The following RASSF3 variants were observed in gnomAD, a reference collection of about 807,000 sequenced individuals.
The protein encoded by RASSF3 is ras association domain-containing protein 3.
A neutral mutation model predicts 19.9 loss-of-function variants in RASSF3; 19 were observed. That is an observed-to-expected ratio of 0.96 (90% CI 0.67 to 1.40). RASSF3 has a LOEUF of 1.40. Ranked by LOEUF, RASSF3 falls within the 40% of genes most tolerant of loss-of-function variation. The pLI is 0.00. For missense variants in RASSF3, 306 were observed against 289.8 expected, an observed-to-expected ratio of 1.06 and a Z score of -0.41; for synonymous variants, 110 against 104.2, an observed-to-expected ratio of 1.06 and a Z score of -0.34.
At chr12:64,631,571 GTA>G (rs1871168889) in intron 1 of RASSF3, among the ~76,000 whole-genome samples, 2 of 151,550 alleles carry the variant, frequency 1.3e-5, no homozygotes, top group East Asian at 1.9e-4. Context: ...ATGTATGTAT[GTA>G]TGTATGTATG....
chr12:64,645,955 C>T (rs1031203129), intron 1 of RASSF3, among the ~76,000 whole-genome samples: 4 of 152,162 alleles, frequency 2.6e-5, no homozygotes, highest in African/African-American at 7.2e-5. Context: ...TTAATGTTGC[C>T]GCATCTTGAA....
intron 1 of RASSF3, among the ~76,000 whole-genome samples, chr12:64,517,116 G>A: frequency 7.0e-6 from 1 of 143,374 alleles, no homozygotes; most frequent in South Asian, 2.2e-4. Flanking sequence ...TAATAACCAA[G>A]AATAACAAAA....
chr12:64,596,887 A>G (rs1201265989), intron 2 of RASSF3, among the ~76,000 whole-genome samples: 1 of 151,748 alleles, frequency 6.6e-6, no homozygotes, highest in Non-Finnish European at 1.5e-5. Context: ...GTGCCACCAC[A>G]CCCGGTTAAT....
chr12:64,674,014 C>T (rs561841223), intron 1 of RASSF3, among the ~76,000 whole-genome samples: 2 of 152,132 alleles, frequency 1.3e-5, no homozygotes, highest in South Asian at 4.2e-4. Context: ...AAAGTGAGGT[C>T]ATGGAAGGCC....
At chr12:64,507,524 G>GTAT (rs1868299434) in intron 1 of RASSF3, 1 of 372,726 alleles carries the variant, frequency 2.7e-6, no homozygotes. Flanking sequence ...TGAGGCTGAT[G>GTAT]TATTAGAAGC....
At chr12:64,532,593 T>C (rs1592391573), upstream of RASSF3, among the ~76,000 whole-genome samples, 1 of 151,154 alleles carries the variant, frequency 6.6e-6, no homozygotes, top group Non-Finnish European at 1.5e-5. Flanking sequence ...GAGGCCGAGG[T>C]GGGAGGACTG....
chr12:64,546,169 A>G (rs1307612313), downstream of RASSF3, among the ~76,000 whole-genome samples: 1 of 151,482 alleles, frequency 6.6e-6, no homozygotes, highest in African/African-American at 2.4e-5. Context: ...ATATACACGC[A>G]GGTGATAATG....
At chr12:64,653,164 G>C (rs1872025095) in intron 1 of RASSF3, among the ~76,000 whole-genome samples, 1 of 152,108 alleles carries the variant, frequency 6.6e-6, no homozygotes, top group African/African-American at 2.4e-5. Flanking sequence ...GATCTTCCAG[G>C]CTCAACTGAT....
intron 1 of RASSF3, among the ~76,000 whole-genome samples, chr12:64,647,707 G>C (rs183933715): frequency 4.6e-4 from 70 of 151,624 alleles, no homozygotes; most frequent in African/African-American, 1.6e-3. Context: ...CACCGCGCCC[G>C]GCCCCGGCCT....
upstream of RASSF3, among the ~76,000 whole-genome samples, chr12:64,529,620 C>T (rs1400831319): frequency 3.9e-5 from 6 of 152,074 alleles, no homozygotes; most frequent in Admixed American, 6.6e-5. Flanking sequence ...GATCAAGAAT[C>T]GATGAACTTG....
intron 2 of RASSF3, among the ~76,000 whole-genome samples, chr12:64,583,337 C>T (rs1869735098): frequency 1.3e-5 from 2 of 152,114 alleles, no homozygotes; most frequent in Admixed American, 1.3e-4. Flanking sequence ...GTGTTTCATA[C>T]AAAAGCAAAG....
intron 2 of RASSF3, among the ~76,000 whole-genome samples, chr12:64,555,621 C>T (rs1050192693): frequency 7.2e-5 from 11 of 151,846 alleles, no homozygotes; most frequent in African/African-American, 1.7e-4. Context: ...TGGTGGCGGG[C>T]GCTTATAGTC....
downstream of RASSF3, among the ~76,000 whole-genome samples, chr12:64,543,443 TGCCCG>T (rs1868984554): frequency 7.0e-4 from 2 of 2,866 alleles, no homozygotes; most frequent in Non-Finnish European, 1.1e-3. Context: ...GCCCCCCCCG[TGCCCG>T]CCCGCCCCCC....
At position 64,634,355 on chromosome 12, in the gene RASSF3, A is replaced by G. The variant is rs1390157821; in HGVS notation, c.111+23612A>G. Among the ~76,000 whole-genome samples the G allele has an allele frequency of 4.0e-5, 6 of 149,918 alleles. No individual in the cohort carries two copies. The East Asian group carries it at 9.8e-4, about 24-fold the overall frequency. On this transcript the variant is annotated intron_variant, in intron 1 of 4. Transcript: ENST00000542104. Reference sequence around the variant, plus strand: ...TTGAAAAAAAAATTCATTTTTTCATAGAAATGAGTTCTTACTATGTTATCC... The same window carrying G: ...TTGAAAAAAAAATTCATTTTTTCATGGAAATGAGTTCTTACTATGTTATCC...
At chr12:64,615,574 G>A (rs1870525392) in intron 1 of RASSF3, among the ~76,000 whole-genome samples, 1 of 152,138 alleles carries the variant, frequency 6.6e-6, no homozygotes, top group African/African-American at 2.4e-5. Flanking sequence ...GTAATGAGCT[G>A]CACTCTTTTA....
intron 1 of RASSF3, among the ~76,000 whole-genome samples, chr12:64,669,394 C>G (rs59371532): frequency 0.012 from 1,774 of 151,990 alleles, 39 homozygotes; most frequent in African/African-American, 0.041. Flanking sequence ...AAACAGTTCC[C>G]CCTGTCACAC....
chr12:64,584,610 G>A (rs1869762576), intron 2 of RASSF3, among the ~76,000 whole-genome samples: 1 of 150,180 alleles, frequency 6.7e-6, no homozygotes, highest in Admixed American at 6.7e-5. Flanking sequence ...CTTCATGACT[G>A]TGTCCTTTCC....
intron 1 of RASSF3, among the ~76,000 whole-genome samples, chr12:64,659,180 C>A (rs1161963452): frequency 6.6e-6 from 1 of 152,184 alleles, no homozygotes; most frequent in African/African-American, 2.4e-5. Flanking sequence ...ACAGATCATT[C>A]TCAGAGGCAG....
At chr12:64,613,452 T>C (rs1490816062) in intron 1 of RASSF3, among the ~76,000 whole-genome samples, 2 of 151,910 alleles carry the variant, frequency 1.3e-5, no homozygotes, top group African/African-American at 4.8e-5. Flanking sequence ...TTGTGGTAAA[T>C]GCAGAATGGG....
Sources: gnomAD v4.1 joint callset for allele counts (sites outside exome capture counted in the v4.1 genomes callset) on GRCh38, gnomAD v4.1.1 for gene constraint, MANE v1.5 for transcripts, NCBI Gene and HGNC (gene_info 2026-07-23, HGNC 2026-07-21) for gene names.